The following POLR3A variants were observed in gnomAD, a reference collection of about 807,000 sequenced individuals.
POLR3A encodes DNA-directed RNA polymerase III subunit RPC1.
In POLR3A, 112 loss-of-function variants were observed where a neutral mutation model predicts 152.8. The ratio of observed to expected loss-of-function variants is 0.73; its 90% CI spans 0.63 to 0.86. The LOEUF (loss-of-function observed/expected upper bound fraction) is 0.86, where lower values mean the gene tolerates loss of function less well. Ranked by LOEUF, POLR3A falls within the 40% of genes least tolerant of loss-of-function variation. The pLI, the probability that POLR3A is intolerant of heterozygous loss-of-function variation, is 0.00. For synonymous variants in POLR3A, 615 were observed against 652.1 expected, an observed-to-expected ratio of 0.94 and a Z score of 0.87; for missense variants, 1,385 against 1,743.1, an observed-to-expected ratio of 0.79 and a Z score of 3.66.
Position 77,976,102 on chromosome 10 carries a change from A to G in POLR3A, c.*1376T>C, listed in dbSNP as rs1311085511. The G allele has an allele frequency of 1.3e-5, 2 of 152,062 alleles. No homozygotes were observed. The highest frequency in any genetic ancestry group is 2.1e-4 in the South Asian group (1 of 4,812). 9.4% of individuals were successfully genotyped at this position (152,062 alleles called of 1,614,324 possible). On this transcript the variant is annotated 3_prime_UTR_variant, in exon 31 of 31. Transcript: ENST00000372371. The stretch of plus-strand genomic sequence containing the variant: ...AAAAGGTCAAACTATAATTTTTTAT[A>G]AAAACTAATTTTTTTTTACGCTTAA...
Position 78,024,667 on chromosome 10 carries a change from T to C in POLR3A, c.527A>G (p.His176Arg). 3.7e-6 allele frequency: 6 copies of C among 1,613,984 alleles called. No homozygotes were observed. The highest frequency in any genetic ancestry group is 5.1e-6 in the Non-Finnish European group (6 of 1,179,816). ...VKKCGLLKII[H>R]EKYKTNKKVV... ...TTTTTTGTTGGTCTTGTATTTCTCA[T>C]GAATTATTTTCAGCAGTCCACACTT... Residue 176 changes from histidine to arginine, a missense_variant, in exon 5 of 31, where the codon CAT becomes CGT. This residue lies in a region of POLR3A where 493 missense variants were observed against 647.5 expected (regional missense o/e 0.76). Coordinates refer to ENST00000372371, the MANE Select transcript of POLR3A (RefSeq NM_007055.4).
chr10:77,994,609 GA>G lies in POLR3A; in HGVS notation c.2617-1243del, dbSNP rs1336961150. On this transcript the variant is annotated intron_variant, in intron 19 of 30. Coordinates refer to ENST00000372371, the MANE Select transcript of POLR3A (RefSeq NM_007055.4). ...AATGAAGCCAGAAGAGAAGTTTAGA[GA>G]AAAAAGAATAAAAAGAAATGAACAA... Among the ~76,000 whole-genome samples, 3 of 152,078 alleles carry G rather than the reference GA, an allele frequency of 2.0e-5. No homozygotes were observed. In the East Asian group the frequency reaches 5.8e-4, roughly 29 times the overall value.
In POLR3A at chr10:77,986,066, A is replaced by G. The variant is rs1422137437; in HGVS notation, c.2988+7T>C. 1.3e-6 allele frequency: 2 copies of G among 1,585,976 alleles called. No homozygotes were observed. The highest frequency in any genetic ancestry group is 1.3e-5 in the African/African-American group (1 of 74,284). ...CGGGGTTCTAACGCGTCTTGGAGGG[A>G]TATTACCTCTGTTGTGCCGTTATCA... On this transcript the variant is annotated splice_region_variant and intron_variant, in intron 22 of 30. Coordinates refer to ENST00000372371, the MANE Select transcript of POLR3A (RefSeq NM_007055.4).
At position 77,986,145 on chromosome 10, in the gene POLR3A, G is replaced by A. The variant is rs763107166; in HGVS notation, c.2916C>T (p.Phe972=). 5.0e-5 allele frequency: 78 copies of A among 1,545,930 alleles called. No homozygotes were observed. Among genetic ancestry groups the A allele is most frequent in the Non-Finnish European group, 6.8e-5 (76 of 1,118,158 alleles). Residue 972 remains phenylalanine, a synonymous_variant, in exon 22 of 31, where the codon TTC becomes TTT. Coordinates refer to ENST00000372371, the MANE Select transcript of POLR3A (RefSeq NM_007055.4). The part of the protein sequence containing the change: ...QDSFLQEIKK[F]IKGVSEKIKK... ...TGATCTTCTCAGAGACCCCCTTAAT[G>A]AATTTTTTTATTTCCTGAAAGATTA...
intron 4 of POLR3A, 127 bp downstream of exon 4, chr10:78,024,844 G>T: frequency 4.4e-6 from 6 of 1,354,354 alleles, no homozygotes; most frequent in Non-Finnish European, 4.2e-6. Context: ...GACATCAGTT[G>T]TTGGGCTCTT....
intron 21 of POLR3A, among the ~76,000 whole-genome samples, chr10:77,988,619 TAC>T (rs1847219630): frequency 6.6e-6 from 1 of 152,236 alleles, no homozygotes; most frequent in Admixed American, 6.5e-5. Context: ...TGTTTTCAGA[TAC>T]AGTTACCTTT....
intron 12 of POLR3A, 65 bp from the exon 13 acceptor site, chr10:78,010,056 T>C: frequency 6.3e-7 from 1 of 1,594,754 alleles, no homozygotes; most frequent in Non-Finnish European, 8.5e-7. Flanking sequence ...CTGCAAGGTT[T>C]CAATTTTAAA....
rs766498098 is a variant in POLR3A at position 78,002,240 on chromosome 10, G to A, written c.2316C>T (p.Asp772=). ...CCATGGTGAGGGGGCTGTTGCTCTT[G>A]TCCAGCTCCCGGAGGCAGGCACTGC... ...HAGSACLREL[D]KSNSPLTMAL... The change falls in exon 17 of 31, where the codon GAC becomes GAT. Residue 772 remains aspartate (D), a synonymous_variant. Transcript: ENST00000372371. 1 of 1,602,916 alleles carries A rather than the reference G, an allele frequency of 6.2e-7. No homozygotes were observed. Among genetic ancestry groups the A allele is most frequent in the Admixed American group, 1.7e-5 (1 of 58,182 alleles).
intron 21 of POLR3A, 99 bp downstream of exon 21, chr10:77,990,955 A>G: frequency 1.4e-6 from 1 of 734,302 alleles, no homozygotes; most frequent in Non-Finnish European, 2.4e-6. Context: ...CTACCTTAAA[A>G]AACAACCAGC....
chr10:78,004,781 T>G lies in POLR3A; in HGVS notation c.2182A>C (p.Ile728Leu). The part of the protein sequence containing the change: ...NAGYKKCDEY[I>L]EALNTGKLQQ... ...AGCTTGCCCGTGTTCAGGGCTTCGA[T>G]GTACTCATCACATTTCTTGTAGCCG... Residue 728 changes from isoleucine to leucine, a missense_variant, in exon 16 of 31, where the codon ATC becomes CTC. By Grantham distance (5) the Ile-to-Leu change is conservative (BLOSUM62 2). Coordinates refer to ENST00000372371, the MANE Select transcript of POLR3A (RefSeq NM_007055.4). 2 of 1,614,036 alleles carry G rather than the reference T, an allele frequency of 1.2e-6. No homozygotes were observed. Among genetic ancestry groups the G allele is most frequent in the Non-Finnish European group, 1.7e-6 (2 of 1,179,904 alleles).
chr10:78,002,525 GT>G (rs1338598859), intron 16 of POLR3A, among the ~76,000 whole-genome samples: 4 of 152,166 alleles, frequency 2.6e-5, no homozygotes, highest in Admixed American at 6.6e-5. Context: ...AAGGCAAACA[GT>G]TTATCTTTTT....
At chr10:78,004,989 A>C in intron 15 of POLR3A, 101 bp from the exon 16 acceptor site, 2 of 887,816 alleles carry the variant, frequency 2.3e-6, no homozygotes, top group Non-Finnish European at 3.8e-6. Flanking sequence ...ACTATATATA[A>C]ACTATGTATG....
Position 77,976,121 on chromosome 10 carries a change from C to T in POLR3A, c.*1357G>A, listed in dbSNP as rs535928183. On this transcript the variant is annotated 3_prime_UTR_variant, in exon 31 of 31. Transcript: ENST00000372371. ...TTTTATAAAAACTAATTTTTTTTTA[C>T]GCTTAATTTTTTTCTTTTTTTTTTT... 2.1e-4 allele frequency: 31 copies of T among 151,152 alleles called. No homozygotes were observed. The highest frequency in any genetic ancestry group is 9.7e-4 in the East Asian group (5 of 5,156). The allele number at this position is 151,152 out of a possible 1,614,324, so 9.4% of individuals were successfully genotyped here. A position where few individuals can be genotyped will look rare whatever the true frequency, so the allele number is the denominator to read the frequency against.
intron 26 of POLR3A, among the ~76,000 whole-genome samples, chr10:77,983,568 T>C (rs2131929062): frequency 6.6e-6 from 1 of 152,320 alleles, no homozygotes; most frequent in East Asian, 1.9e-4. Flanking sequence ...GCTGCCATGC[T>C]GGGCGCTGGG....
intron 10 of POLR3A, among the ~76,000 whole-genome samples, chr10:78,017,222 C>T (rs1464645152): frequency 6.6e-6 from 1 of 151,842 alleles, no homozygotes; most frequent in African/African-American, 2.4e-5. Context: ...CCCAAGAGTT[C>T]CAGACTAGCT....
chr10:78,022,618 A>T (rs1190744184), intron 5 of POLR3A, among the ~76,000 whole-genome samples: 1 of 152,248 alleles, frequency 6.6e-6, no homozygotes, highest in Non-Finnish European at 1.5e-5. Flanking sequence ...GTAACTTCAG[A>T]AATGAACACA....
At chr10:77,978,394 CAGG>C (rs1259015867) in intron 30 of POLR3A, among the ~76,000 whole-genome samples, 1 of 152,008 alleles carries the variant, frequency 6.6e-6, no homozygotes, top group Non-Finnish European at 1.5e-5. Context: ...GCTGAAGGAC[CAGG>C]AGGAGGGGAA....
chr10:77,985,823 G>T, intron 23 of POLR3A, 80 bp downstream of exon 23: 1 of 1,074,204 alleles, frequency 9.3e-7, no homozygotes, highest in Non-Finnish European at 1.5e-6. Context: ...CTGGTGCAGG[G>T]TTTTGTACAC....
chr10:78,020,814 T>G (rs568140975), intron 8 of POLR3A, among the ~76,000 whole-genome samples: 3 of 152,170 alleles, frequency 2.0e-5, no homozygotes, highest in African/African-American at 7.2e-5. Flanking sequence ...ATAAAAGCCT[T>G]TCTGGGTATG....
Sources: allele counts gnomAD v4.1 joint callset (sites outside exome capture counted in the v4.1 genomes callset), GRCh38; gene constraint gnomAD v4.1.1; regional missense constraint gnomAD v4.1.1; transcripts MANE v1.5; gene names NCBI Gene and HGNC (gene_info 2026-07-23, HGNC 2026-07-21).